FTO: variants seen among roughly 807,000 people sequenced by gnomAD.
FTO encodes FTO alpha-ketoglutarate dependent dioxygenase, also known as alpha-ketoglutarate-dependent dioxygenase FTO.
A neutral mutation model predicts 63.9 loss-of-function variants in FTO; 47 were observed. The observed-to-expected ratio is 0.74, with a 90% confidence interval of 0.58 to 0.94. The LOEUF (loss-of-function observed/expected upper bound fraction) is 0.94. FTO is among the 40% of genes least tolerant of loss of function. The pLI, the probability that FTO is intolerant of heterozygous loss-of-function variation, is 0.00. For missense variants in FTO, 562 were observed against 618.1 expected (o/e 0.91, Z 0.96); for synonymous variants, 207 against 224.4 (o/e 0.92, Z 0.69).
chr16:54,104,332 G>A (rs11860286), intron 8 of FTO, among the ~76,000 whole-genome samples: 71,691 of 143,234 alleles, frequency 0.5, 18,256 homozygotes, highest in African/African-American at 0.61. Flanking sequence ...TTTTTTTTTG[G>A]GATGGAGTTT....
chr16:53,954,096 G>A (rs1404545479), intron 8 of FTO, among the ~76,000 whole-genome samples: 1 of 152,152 alleles, frequency 6.6e-6, no homozygotes, highest in African/African-American at 2.4e-5. Flanking sequence ...AGGAGTAGAT[G>A]TTCATAGATT....
chr16:53,977,862 T>G (rs1456968290), intron 8 of FTO, among the ~76,000 whole-genome samples: 2 of 152,046 alleles, frequency 1.3e-5, no homozygotes, highest in African/African-American at 4.8e-5. Flanking sequence ...AAAGAGATAT[T>G]TATTTATTTA....
chr16:53,931,483 T>C (rs1350243316), intron 7 of FTO, among the ~76,000 whole-genome samples: 1 of 151,976 alleles, frequency 6.6e-6, no homozygotes, highest in African/African-American at 2.4e-5. Context: ...ATTTTCTATA[T>C]TTTCAGTAGA....
intron 8 of FTO, among the ~76,000 whole-genome samples, chr16:54,030,433 T>C (rs2084802016): frequency 2.0e-5 from 3 of 152,174 alleles, no homozygotes; most frequent in African/African-American, 7.2e-5. Flanking sequence ...TGGCAGCCCT[T>C]ATAGCTATAT....
intron 8 of FTO, chr16:54,039,332 T>G (rs147090039): frequency 6.6e-6 from 1 of 152,278 alleles, no homozygotes; most frequent in Non-Finnish European, 1.5e-5. Flanking sequence ...GTGCCTATAC[T>G]TCTCTGTTTC....
In FTO at chr16:53,845,333, G is replaced by A. The variant is rs2079590412; in HGVS notation, c.895+1035G>A. Reference sequence around the variant, plus strand: ...TAACAGTTGATTCCCAGTTAATTGGGTATTTTAGAGTCTACTATGTTCCAG... The same window carrying A: ...TAACAGTTGATTCCCAGTTAATTGGATATTTTAGAGTCTACTATGTTCCAG... On this transcript the variant is annotated intron_variant, in intron 4 of 8. Transcript: ENST00000471389. Among the ~76,000 whole-genome samples, 3 of 152,158 alleles carry A rather than the reference G, an allele frequency of 2.0e-5. No individual in the cohort carries two copies. In the South Asian group the frequency reaches 6.2e-4, roughly 32 times the overall value.
chr16:53,727,729 T>C (rs1567933632), intron 1 of FTO, among the ~76,000 whole-genome samples: 1 of 152,180 alleles, frequency 6.6e-6, no homozygotes, highest in Non-Finnish European at 1.5e-5. Context: ...TAGTTTTGCT[T>C]CTGCCATTTT....
intron 7 of FTO, among the ~76,000 whole-genome samples, chr16:53,906,366 A>G (rs901592704): frequency 6.6e-6 from 1 of 152,218 alleles, no homozygotes; most frequent in Non-Finnish European, 1.5e-5. Flanking sequence ...ACCAAGTTAG[A>G]TTTGATTGAA....
chr16:54,111,075 A>G (rs1156250991), intron 8 of FTO, among the ~76,000 whole-genome samples: 3 of 152,200 alleles, frequency 2.0e-5, no homozygotes, highest in Non-Finnish European at 4.4e-5. Flanking sequence ...ACTATTGATG[A>G]ATAATCCATT....
chr16:53,831,228 T>C (rs182833239), intron 3 of FTO, among the ~76,000 whole-genome samples: 6 of 152,352 alleles, frequency 3.9e-5, no homozygotes, highest in Admixed American at 3.9e-4. Flanking sequence ...TGTTTAATGT[T>C]ATCTTAGCGT....
chr16:53,766,969 T>C (rs959440897), intron 1 of FTO, among the ~76,000 whole-genome samples: 2 of 152,060 alleles, frequency 1.3e-5, no homozygotes, highest in African/African-American at 4.8e-5. Flanking sequence ...CAAGATAATC[T>C]CATTGTTCCT....
At chr16:53,745,178 C>T (rs2076621630) in intron 1 of FTO, among the ~76,000 whole-genome samples, 1 of 152,184 alleles carries the variant, frequency 6.6e-6, no homozygotes, top group South Asian at 2.1e-4. Context: ...TTCAGCAAAG[C>T]CAAATGCAAT....
At chr16:53,774,324 A>G (rs1451936499) in intron 1 of FTO, among the ~76,000 whole-genome samples, 1 of 152,152 alleles carries the variant, frequency 6.6e-6, no homozygotes, top group African/African-American at 2.4e-5. Flanking sequence ...ACCTTTGCTT[A>G]TATTCAAAGC....
chr16:54,095,426 CCTCT>C (rs1371161473), intron 8 of FTO, among the ~76,000 whole-genome samples: 2 of 151,706 alleles, frequency 1.3e-5, no homozygotes, highest in Non-Finnish European at 2.9e-5. Flanking sequence ...CTTCCCTCAG[CCTCT>C]CTATTCACTC....
chr16:53,706,934 C>G (rs1301929627), intron 1 of FTO, among the ~76,000 whole-genome samples: 2 of 152,192 alleles, frequency 1.3e-5, no homozygotes, highest in African/African-American at 2.4e-5. Context: ...TATGACCATT[C>G]ACCTAAGAGT....
chr16:54,008,855 A>G (rs2084272981), intron 8 of FTO, among the ~76,000 whole-genome samples: 1 of 105,922 alleles, frequency 9.4e-6, no homozygotes, highest in African/African-American at 3.9e-5. Context: ...AATAATAATA[A>G]TAATAAATTA....
Position 53,766,891 on chromosome 16 carries a change from C to G in FTO, c.46-43249C>G, listed in dbSNP as rs28690649. On this transcript the variant is annotated intron_variant, in intron 1 of 8. Transcript: ENST00000471389. ...TGTCTCTAAGCCCAACAAACGCGTT[C>G]CTTCCAGGCAAAAGCAGGAGATGAC... Among the ~76,000 whole-genome samples, 1,049 of 152,226 alleles carry G rather than the reference C, an allele frequency of 6.9e-3. 15 individuals are homozygous for G. Among genetic ancestry groups the G allele is most frequent in the African/African-American group, 0.024 (990 of 41,528 alleles).
At chr16:54,087,375 G>A (rs1276237821) in intron 8 of FTO, among the ~76,000 whole-genome samples, 1 of 152,110 alleles carries the variant, frequency 6.6e-6, no homozygotes, top group African/African-American at 2.4e-5. Context: ...CCGTCGCAAG[G>A]CTTCAGTTTT....
At position 53,728,092 on chromosome 16, in the gene FTO, A is replaced by G. The variant is rs1258942461; in HGVS notation, c.45+23863A>G. ...TGTCTCTACATGAAATTAAAAAATT[A>G]GTCAGGTGTGGTGGTGTGCACCTGT... On this transcript the variant is annotated intron_variant, in intron 1 of 8. Transcript: ENST00000471389. Among the ~76,000 whole-genome samples the G allele has an allele frequency of 5.3e-5, 8 of 152,092 alleles. No homozygotes were observed. The East Asian group carries it at 1.5e-3, about 29-fold the overall frequency.
Sources: gnomAD v4.1 joint callset for allele counts (sites outside exome capture counted in the v4.1 genomes callset) on GRCh38, gnomAD v4.1.1 for gene constraint, MANE v1.5 for transcripts, NCBI Gene and HGNC (gene_info 2026-07-23, HGNC 2026-07-21) for gene names.